OSMR: variants seen among roughly 807,000 people sequenced by gnomAD.
OSMR encodes the protein oncostatin-M-specific receptor subunit beta.
Under a neutral mutation model 99.9 loss-of-function variants are expected in OSMR, and 81 were observed. That is an observed-to-expected ratio of 0.81 (90% confidence interval 0.68 to 0.97). The LOEUF (loss-of-function observed/expected upper bound fraction) is 0.97. Ranked by LOEUF, OSMR falls within the 50% of genes least tolerant of loss-of-function variation. The probability of loss-of-function intolerance (pLI) is 0.00; values close to 1 mark genes in which losing one functional copy is unlikely to be tolerated. For missense variants in OSMR, 1,099 were observed against 1,153.4 expected, an observed-to-expected ratio of 0.95 and a Z score of 0.68; for synonymous variants, 406 against 410.4, an observed-to-expected ratio of 0.99 and a Z score of 0.13.
At chr5:38,911,363 AG>A (rs1745568987) in intron 9 of OSMR, among the ~76,000 whole-genome samples, 2 of 152,206 alleles carry the variant, frequency 1.3e-5, no homozygotes, top group South Asian at 4.1e-4. Context: ...AGATTGAACC[AG>A]GAAGAAATTG....
intron 1 of OSMR, among the ~76,000 whole-genome samples, chr5:38,853,662 T>G (rs1740618365): frequency 6.6e-6 from 1 of 152,216 alleles, no homozygotes; most frequent in African/African-American, 2.4e-5. Context: ...CAGTTTTTCA[T>G]TTTTTTATTT....
intron 9 of OSMR, among the ~76,000 whole-genome samples, chr5:38,916,665 G>A (rs1745914906): frequency 6.6e-6 from 1 of 152,146 alleles, no homozygotes; most frequent in Non-Finnish European, 1.5e-5. Flanking sequence ...CTTATGATAA[G>A]TTGATTGAGC....
intron 13 of OSMR, 151 bp downstream of exon 13, chr5:38,923,405 A>G: frequency 1.5e-6 from 1 of 647,056 alleles, no homozygotes; most frequent in Non-Finnish European, 2.8e-6. Context: ...ATTATTTTTT[A>G]ATCATACAAA....
At chr5:38,896,941 A>C (rs1232339716) in intron 7 of OSMR, among the ~76,000 whole-genome samples, 2 of 151,838 alleles carry the variant, frequency 1.3e-5, no homozygotes, top group African/African-American at 4.8e-5. Flanking sequence ...TGTTGATATG[A>C]TGTAACACAT....
intron 4 of OSMR, among the ~76,000 whole-genome samples, chr5:38,882,426 T>C (rs1472661902): frequency 6.6e-6 from 1 of 152,114 alleles, no homozygotes; most frequent in African/African-American, 2.4e-5. Context: ...AATATAAAAA[T>C]TAGCTGGGCA....
At chr5:38,921,940 A>G in intron 12 of OSMR, 146 bp downstream of exon 12, 1 of 697,154 alleles carries the variant, frequency 1.4e-6, no homozygotes, top group Non-Finnish European at 2.5e-6. Context: ...AGGAGTTCAG[A>G]TGTTACAAGA....
At chr5:38,911,066 G>A (rs1329626887) in intron 9 of OSMR, among the ~76,000 whole-genome samples, 1 of 152,080 alleles carries the variant, frequency 6.6e-6, no homozygotes, top group Admixed American at 6.6e-5. Context: ...CACCAAAGCT[G>A]TCAGAAGACA....
Position 38,886,400 on chromosome 5 carries a change from T to C in OSMR, c.991+210T>C, listed in dbSNP as rs1182772702. 4 of 1,362,302 alleles carry C rather than the reference T, an allele frequency of 2.9e-6. No homozygotes were observed. The African/African-American group carries it at 4.4e-5, about 15-fold the overall frequency. 84.4% of individuals were successfully genotyped at this position (1,362,302 alleles called of 1,614,324 possible). A position where few individuals can be genotyped will look rare whatever the true frequency, so the allele number is the denominator to read the frequency against. On this transcript the variant is annotated intron_variant, in intron 7 of 17. Coordinates refer to ENST00000274276, the MANE Select transcript of OSMR (RefSeq NM_003999.3). ...CTTTTAATAATGTCACGAGCACCAA[T>C]GAGCTTACTACCCAACTTCAAAACT...
intron 17 of OSMR, 152 bp downstream of exon 17, chr5:38,932,687 G>T: frequency 6.5e-7 from 1 of 1,527,564 alleles, no homozygotes. Flanking sequence ...TAGGTGATTG[G>T]AGCTTTGATT....
intron 7 of OSMR, among the ~76,000 whole-genome samples, chr5:38,891,043 A>G (rs1318554809): frequency 6.6e-6 from 1 of 152,262 alleles, no homozygotes; most frequent in Non-Finnish European, 1.5e-5. Context: ...GATGGTGATT[A>G]GCCACCTTAG....
At chr5:38,940,430 C>CT, downstream of OSMR, 1 of 232,664 alleles carries the variant, frequency 4.3e-6, no homozygotes. Flanking sequence ...TCTAGTAACT[C>CT]TGACATTTGG....
intron 1 of OSMR, chr5:38,942,695 A>G (rs1747719595): frequency 3.1e-6 from 2 of 637,644 alleles, no homozygotes; most frequent in Admixed American, 2.8e-5. Context: ...GGCTCAAGCA[A>G]TTCTCCCGCG....
intron 1 of OSMR, among the ~76,000 whole-genome samples, chr5:38,852,113 G>C (rs1396290642): frequency 6.6e-6 from 1 of 152,182 alleles, no homozygotes; most frequent in Non-Finnish European, 1.5e-5. Flanking sequence ...TTCCATGTCA[G>C]TGCATGGATC....
Position 38,928,463 on chromosome 5 carries a change from G to A in OSMR, c.2212+3092G>A, listed in dbSNP as rs189784089. Among the ~76,000 whole-genome samples the A allele has an allele frequency of 1.0e-3, 153 of 152,294 alleles. 1 individual carries two copies. The Middle Eastern group carries it at 0.01, about 10-fold the overall frequency. The stretch of plus-strand genomic sequence containing the variant: ...GAAACTTATAATTATGGCAGGAGGA[G>A]AAGCAAACACATGCTTCTTCACATG... On this transcript the variant is annotated intron_variant, in intron 15 of 17. Transcript: ENST00000274276.
At chr5:38,868,717 T>G (rs2112235327) in intron 1 of OSMR, among the ~76,000 whole-genome samples, 1 of 152,286 alleles carries the variant, frequency 6.6e-6, no homozygotes, top group Admixed American at 6.5e-5. Flanking sequence ...CTGACTAATA[T>G]AGTAGGGTAG....
intron 9 of OSMR, among the ~76,000 whole-genome samples, chr5:38,908,462 A>T (rs1579763140): frequency 6.6e-6 from 1 of 152,182 alleles, no homozygotes; most frequent in South Asian, 2.1e-4. Flanking sequence ...GTGAGCATGG[A>T]CCCTGCTGCC....
chr5:38,945,396 C>G (rs1465761004), downstream of OSMR: 4 of 809,840 alleles, frequency 4.9e-6, no homozygotes, highest in African/African-American at 6.9e-5. Context: ...AGCTGGGAAA[C>G]TCTGAATTAG....
In OSMR at chr5:38,848,542, G is replaced by T. The variant is rs767776637; in HGVS notation, c.-14+2155G>T. Among the ~76,000 whole-genome samples the T allele has an allele frequency of 5.9e-5, 9 of 152,248 alleles. No homozygotes were observed. The East Asian group carries it at 1.5e-3, about 26-fold the overall frequency. On this transcript the variant is annotated intron_variant, in intron 1 of 17. Transcript: ENST00000274276. ...TATAGAAGTGAAGTGAAATGTAGAC[G>T]TGCCATCACCATCCTCCCTCCTCCC...
intron 7 of OSMR, among the ~76,000 whole-genome samples, chr5:38,901,338 A>G (rs1744876355): frequency 6.6e-6 from 1 of 152,178 alleles, no homozygotes; most frequent in Non-Finnish European, 1.5e-5. Context: ...TTGGTTAGCT[A>G]GCCATTTATA....
Sources: gnomAD v4.1 joint callset for allele counts (sites outside exome capture counted in the v4.1 genomes callset) on GRCh38, gnomAD v4.1.1 for gene constraint, MANE v1.5 for transcripts, NCBI Gene and HGNC (gene_info 2026-07-23, HGNC 2026-07-21) for gene names.